Variants in CFAP100 observed in about 807,000 individuals in gnomAD.
The protein encoded by CFAP100 is cilia- and flagella-associated protein 100.
CFAP100 carries 70 observed loss-of-function variants against 81.5 expected under a neutral mutation model. The ratio of observed to expected loss-of-function variants is 0.86; its 90% CI spans 0.71 to 1.05. The LOEUF (loss-of-function observed/expected upper bound fraction) is 1.05, where lower values mean the gene tolerates loss of function less well. Ranked by LOEUF, CFAP100 falls within the 50% of genes least tolerant of loss-of-function variation. The pLI is 0.00. For synonymous variants in CFAP100, 341 were observed against 314.8 expected, an observed-to-expected ratio of 1.08 and a Z score of -0.88; for missense variants, 811 against 776.5, an observed-to-expected ratio of 1.04 and a Z score of -0.53.
Position 126,395,932 on chromosome 3 carries a change from C to A in CFAP100, c.-59-10C>A. The A allele has an allele frequency of 7.4e-7, 1 of 1,356,610 alleles. No homozygotes were observed. The highest frequency in any genetic ancestry group is 1.1e-6 in the Non-Finnish European group (1 of 948,594). The allele number at this position is 1,356,610 out of a possible 1,614,324, so 84.0% of individuals were successfully genotyped here. ...GGACCACCAGGCTCAAGCACTGTGT[C>A]ACTCCTCAGGTGAGGATCTCCTTTA... On this transcript the variant is annotated splice_polypyrimidine_tract_variant and intron_variant, in intron 1 of 16. Transcript: ENST00000352312.
At chr3:126,424,929 G>A (rs2083386209) in intron 13 of CFAP100, among the ~76,000 whole-genome samples, 1 of 152,236 alleles carries the variant, frequency 6.6e-6, no homozygotes, top group Non-Finnish European at 1.5e-5. Flanking sequence ...AAGGCACTGA[G>A]GTGGGAGCCC....
At chr3:126,403,673 G>A (rs935022308) in intron 2 of CFAP100, among the ~76,000 whole-genome samples, 1 of 152,016 alleles carries the variant, frequency 6.6e-6, no homozygotes, top group African/African-American at 2.4e-5. Flanking sequence ...GTAAACCACC[G>A]CACCTGGCCT....
At chr3:126,396,140 CA>C in intron 2 of CFAP100, 91 bp downstream of exon 2, 1 of 975,070 alleles carries the variant, frequency 1.0e-6, no homozygotes, top group Non-Finnish European at 1.7e-6. Context: ...AGCTCTAAAC[CA>C]AACACTAGGC....
At chr3:126,406,814 C>A (rs6439009) in intron 2 of CFAP100, among the ~76,000 whole-genome samples, 16 of 152,176 alleles carry the variant, frequency 1.1e-4, no homozygotes, top group Admixed American at 1.0e-3. Context: ...GCACTGGCCA[C>A]GCCGGGGTCA....
rs766730313 is a variant in CFAP100, at chr3:126,418,540, C to G, written c.486+15C>G. 5 of 1,614,018 alleles carry G rather than the reference C, an allele frequency of 3.1e-6. No individual in the cohort carries two copies. Among genetic ancestry groups the G allele is most frequent in the Non-Finnish European group, 4.2e-6 (5 of 1,179,992 alleles). ...TCCTCCTCCAGGTAGGTCCCGTGGC[C>G]CCCAGAGCGATGGATGCCAGCAGTG... On this transcript the variant is annotated intron_variant, in intron 6 of 16. Transcript: ENST00000352312.
intron 5 of CFAP100, 24 bp downstream of exon 5, chr3:126,416,532 G>A (rs377081702): frequency 1.4e-5 from 21 of 1,526,882 alleles, no homozygotes; most frequent in Admixed American, 4.2e-5. Context: ...GGCGCGGGGG[G>A]ACCTGGGCCA....
At chr3:126,399,978 G>A (rs377647489) in intron 2 of CFAP100, among the ~76,000 whole-genome samples, 149 of 152,220 alleles carry the variant, frequency 9.8e-4, no homozygotes, top group African/African-American at 3.4e-3. Flanking sequence ...CTGAGGGGCC[G>A]GCTCAGCGGC....
At chr3:126,395,702 G>C (rs985420787) in intron 1 of CFAP100, among the ~76,000 whole-genome samples, 2 of 152,170 alleles carry the variant, frequency 1.3e-5, no homozygotes, top group African/African-American at 2.4e-5. Context: ...TTTTTTGGCC[G>C]AGGAGGCCGA....
chr3:126,436,301 C>A lies in CFAP100; in HGVS notation c.1733C>A (p.Thr578Lys). ...QAEIKKKRGR[T>K]LVCRSRPPAH... ...TTGTTTCCCCTGCAGAGAGGCAGGA[C>A]ACTGGTATGCCGCTCACGACCCCCA... Residue 578 changes from threonine (T) to lysine (K), a missense_variant, in exon 17 of 17, where the codon ACA (threonine) becomes AAA (lysine). Coordinates refer to ENST00000352312, the MANE Select transcript of CFAP100 (RefSeq NM_182628.3). 5 of 1,613,600 alleles carry A rather than the reference C, an allele frequency of 3.1e-6. No homozygotes were observed. Among genetic ancestry groups the A allele is most frequent in the Non-Finnish European group, 4.2e-6 (5 of 1,179,674 alleles).
chr3:126,419,908 T>A, intron 9 of CFAP100, 72 bp from the exon 10 acceptor site: 1 of 1,611,788 alleles, frequency 6.2e-7, no homozygotes, highest in East Asian at 2.2e-5. Context: ...CCTGCAGGCA[T>A]CTGGGCCACA....
chr3:126,398,964 A>C (rs1245687207), intron 2 of CFAP100, among the ~76,000 whole-genome samples: 1 of 152,174 alleles, frequency 6.6e-6, no homozygotes, highest in African/African-American at 2.4e-5. Flanking sequence ...TGGCCAGGCC[A>C]GGCCTGGTTC....
Position 126,430,475 on chromosome 3 carries a change from A to G in CFAP100, c.1287-2594A>G, listed in dbSNP as rs183187349. On this transcript the variant is annotated intron_variant, in intron 13 of 16. Transcript: ENST00000352312. ...ATATTACCACAGGTACTCCAAAAAT[A>G]TGTACATTATGTATCAATAAAAATA... Among the ~76,000 whole-genome samples, 9 of 152,320 alleles carry G rather than the reference A, an allele frequency of 5.9e-5. No homozygotes were observed. The East Asian group carries it at 1.3e-3, about 23-fold the overall frequency.
Position 126,420,506 on chromosome 3 carries a change from T to C in CFAP100, c.1082+277T>C, listed in dbSNP as rs1403633857. 12 of 481,514 alleles carry C rather than the reference T, an allele frequency of 2.5e-5. No homozygotes were observed. The East Asian group carries it at 4.6e-4, about 18-fold the overall frequency. 29.8% of individuals were successfully genotyped at this position (481,514 alleles called of 1,614,324 possible). A position where few individuals can be genotyped will look rare whatever the true frequency, so the allele number is the denominator to read the frequency against. On this transcript the variant is annotated intron_variant, in intron 11 of 16. Coordinates refer to ENST00000352312, the MANE Select transcript of CFAP100 (RefSeq NM_182628.3). ...TTTGTTTTTGAATAATTTCGGGCTC[T>C]TGGACAAAGGCCTGCCCCTGGTTGT...
chr3:126,416,609 T>TG (rs1202270486), intron 5 of CFAP100, 101 bp downstream of exon 5: 5 of 1,021,166 alleles, frequency 4.9e-6, no homozygotes, highest in Non-Finnish European at 7.0e-6. Context: ...CTTGCACAGA[T>TG]GGGAAGTGCT....
At position 126,423,576 on chromosome 3, in the gene CFAP100, G is replaced by C; in HGVS notation, c.1218G>C (p.Gln406His). Residue 406 changes from glutamine to histidine, a missense_variant, in exon 13 of 17, where the codon CAG (glutamine) becomes CAC (histidine). Physicochemically the swap from Gln to His is conservative, Grantham distance 24. Coordinates refer to ENST00000352312, the MANE Select transcript of CFAP100 (RefSeq NM_182628.3). ...AGGAGCAGAACCTGTCGCTGATCCA[G>C]AACAGCCAGGAGACGGAGAAGACCC... ...ELEEQNLSLI[Q>H]NSQETEKTLE... is the part of the protein sequence containing the mutation. The C allele has an allele frequency of 6.2e-7, 1 of 1,613,070 alleles. No individual in the cohort carries two copies. The highest frequency in any genetic ancestry group is 8.5e-7 in the Non-Finnish European group (1 of 1,179,156).
Position 126,395,613 on chromosome 3 carries a change from G to T in CFAP100, c.-59-329G>T, listed in dbSNP as rs193111600. On this transcript the variant is annotated intron_variant, in intron 1 of 16. Transcript: ENST00000352312. ...ACCACTTTGGATGGGATGGTGAGAGGTCTCTCTAAAGAGGTGACATTTGAG... is the reference window on the plus strand; with the variant it reads ...ACCACTTTGGATGGGATGGTGAGAGTTCTCTCTAAAGAGGTGACATTTGAG... Among the ~76,000 whole-genome samples the T allele has an allele frequency of 6.6e-3, 1,003 of 152,278 alleles. 40 individuals are homozygous for T. Among genetic ancestry groups the T allele is most frequent in the Admixed American group, 0.058 (889 of 15,302 alleles).
At chr3:126,433,252 C>T in intron 14 of CFAP100, 48 bp downstream of exon 14, 1 of 1,604,336 alleles carries the variant, frequency 6.2e-7, no homozygotes, top group Non-Finnish European at 8.5e-7. Context: ...AGGAGGGACC[C>T]TTGGGCACCC....
intron 15 of CFAP100, chr3:126,434,618 A>G: frequency 1.9e-6 from 1 of 522,806 alleles, no homozygotes; most frequent in African/African-American, 1.9e-5. Context: ...CAGGAGGCTC[A>G]GGGAGGGACA....
intron 3 of CFAP100, 112 bp from the exon 4 acceptor site, chr3:126,413,973 C>T: frequency 1.3e-6 from 1 of 754,716 alleles, no homozygotes; most frequent in South Asian, 1.5e-5. Flanking sequence ...GGAACCTTCC[C>T]ACTCACTCAT....
Sources: gnomAD v4.1 joint callset for allele counts (sites outside exome capture counted in the v4.1 genomes callset) on GRCh38, gnomAD v4.1.1 for gene constraint, MANE v1.5 for transcripts, NCBI Gene and HGNC (gene_info 2026-07-23, HGNC 2026-07-21) for gene names.